P2RY8: variants seen among roughly 807,000 people sequenced by gnomAD.
P2RY8 encodes the protein P2Y receptor family member 8, also known as S-geranylgeranyl-glutathione receptor P2RY8.
Under a neutral mutation model 10.0 loss-of-function variants are expected in P2RY8, and 6 were observed. The observed-to-expected ratio is 0.60, with a 90% CI of 0.33 to 1.19. P2RY8 has a LOEUF of 1.19. Ranked by LOEUF, P2RY8 falls within the 50% of genes most tolerant of loss-of-function variation. P2RY8 has a pLI of 0.04. For synonymous variants in P2RY8, 276 were observed against 252.5 expected (o/e 1.09, Z -0.88); for missense variants, 456 against 542.0 (o/e 0.84, Z 1.58).
intron 1 of P2RY8, among the ~76,000 whole-genome samples, chrX:1,509,801 C>CATG (rs2092284012): frequency 1.3e-5 from 1 of 77,144 alleles, no homozygotes; most frequent in African/African-American, 4.0e-5. Context: ...TCCATCCTAT[C>CATG]TATCTATCTA....
Position 1,465,506 on chromosome X carries a change from G to C in P2RY8, c.1053C>G (p.Gly351=), listed in dbSNP as rs146188830. ...AGAACACACTCTCCTGCCTCTGGAG[G>C]CCGGGCCTGGTGGCTCCCTCCATCC... ...PEGMEGATRP[G]LQRQESVF The change falls in exon 2 of 2, where the codon GGC becomes GGG. Residue 351 remains glycine, a synonymous_variant. Coordinates refer to ENST00000381297, the MANE Select transcript of P2RY8 (RefSeq NM_178129.5). 1 of 1,609,304 alleles carries C rather than the reference G, an allele frequency of 6.2e-7. No homozygotes were observed. Among genetic ancestry groups the C allele is most frequent in the Admixed American group, 1.7e-5 (1 of 59,878 alleles).
chrX:1,475,976 G>A (rs1435804262), intron 1 of P2RY8, among the ~76,000 whole-genome samples: 1 of 152,148 alleles, frequency 6.6e-6, no homozygotes, highest in Non-Finnish European at 1.5e-5. Flanking sequence ...AAGGAAGCAA[G>A]GCTCAGAGCT....
intron 1 of P2RY8, among the ~76,000 whole-genome samples, chrX:1,488,781 A>G (rs1248133862): frequency 6.6e-5 from 10 of 150,690 alleles, no homozygotes; most frequent in African/African-American, 2.4e-4. Context: ...GACATTCCCA[A>G]TGACTGTGGA....
chrX:1,509,621 G>C, intron 1 of P2RY8, among the ~76,000 whole-genome samples: 1 of 131,716 alleles, frequency 7.6e-6, no homozygotes, highest in Admixed American at 7.6e-5. Context: ...TATCTATCAT[G>C]TATGTATCTA....
intron 1 of P2RY8, among the ~76,000 whole-genome samples, chrX:1,480,393 G>GTT (rs10552339): frequency 4.1e-4 from 61 of 148,164 alleles, no homozygotes; most frequent in Middle Eastern, 3.5e-3. Flanking sequence ...CGCTTCCCGG[G>GTT]TTTTTTTTTT....
chrX:1,524,009 A>T (rs1421477869), intron 1 of P2RY8, among the ~76,000 whole-genome samples: 6 of 152,182 alleles, frequency 3.9e-5, no homozygotes, highest in Admixed American at 2.6e-4. Flanking sequence ...GAATTTTGTT[A>T]TGTGAATTTC....
intron 1 of P2RY8, among the ~76,000 whole-genome samples, chrX:1,499,921 T>C (rs1157976628): frequency 2.7e-4 from 41 of 150,404 alleles, no homozygotes; most frequent in Non-Finnish European, 5.2e-4. Flanking sequence ...TGCAGTGGTG[T>C]GATCTCAGCT....
intron 1 of P2RY8, among the ~76,000 whole-genome samples, chrX:1,532,418 T>C (rs1905603854): frequency 6.8e-6 from 1 of 146,278 alleles, no homozygotes; most frequent in African/African-American, 2.5e-5. Context: ...GTATATGATG[T>C]GTATATATAC....
intron 1 of P2RY8, among the ~76,000 whole-genome samples, chrX:1,499,139 T>A (rs2092149454): frequency 6.8e-6 from 1 of 147,794 alleles, no homozygotes; most frequent in South Asian, 2.2e-4. Flanking sequence ...AACCCTCTGT[T>A]TTTTTTCTTT....
chrX:1,535,985 C>T (rs1190382324), intron 1 of P2RY8, among the ~76,000 whole-genome samples: 1 of 152,094 alleles, frequency 6.6e-6, no homozygotes, highest in Non-Finnish European at 1.5e-5. Context: ...GGTCTGGGGT[C>T]TCCCTGGCAC....
intron 1 of P2RY8, among the ~76,000 whole-genome samples, chrX:1,471,664 G>A (rs1305020219): frequency 6.6e-6 from 1 of 151,854 alleles, no homozygotes; most frequent in Non-Finnish European, 1.5e-5. Context: ...CCCAGCCCTG[G>A]GAACCCCTTT....
At chrX:1,527,233 C>T (rs73186959) in intron 1 of P2RY8, among the ~76,000 whole-genome samples, 14,798 of 152,104 alleles carry the variant, frequency 0.097, 802 homozygotes, top group African/African-American at 0.12. Flanking sequence ...ACCTATCCAT[C>T]TGTTCATCCG....
rs776758177 is a variant in P2RY8, at chrX:1,486,947, G to T, written c.-24-20365C>A. On this transcript the variant is annotated intron_variant, in intron 1 of 1. Coordinates refer to ENST00000381297, the MANE Select transcript of P2RY8 (RefSeq NM_178129.5). ...ACAGCCAGGCTGACCCTTTCTCCCCGGGACAGGGCAGCCCCAGGGCCGAGC... is the reference window on the plus strand; with the variant it reads ...ACAGCCAGGCTGACCCTTTCTCCCCTGGACAGGGCAGCCCCAGGGCCGAGC... Among the ~76,000 whole-genome samples, 313 of 152,314 alleles carry T rather than the reference G, an allele frequency of 2.1e-3. 2 individuals are homozygous for T. Among genetic ancestry groups the T allele is most frequent in the Non-Finnish European group, 4.0e-3 (269 of 68,026 alleles).
At chrX:1,490,805 C>T (rs2092038864) in intron 1 of P2RY8, among the ~76,000 whole-genome samples, 2 of 146,662 alleles carry the variant, frequency 1.4e-5, no homozygotes, top group African/African-American at 5.1e-5. Flanking sequence ...TGAATGATAC[C>T]CAGATATTCC....
At chrX:1,468,619 G>A (rs1246870890) in intron 1 of P2RY8, among the ~76,000 whole-genome samples, 7 of 151,948 alleles carry the variant, frequency 4.6e-5, no homozygotes, top group Admixed American at 2.6e-4. Context: ...TGTTCTTGGC[G>A]GTGTCTGGCC....
At chrX:1,526,264 C>A (rs1381870334) in intron 1 of P2RY8, among the ~76,000 whole-genome samples, 3 of 151,614 alleles carry the variant, frequency 2.0e-5, no homozygotes, top group African/African-American at 7.3e-5. Flanking sequence ...TTCACCCATT[C>A]TTTCATGCAT....
At chrX:1,508,549 C>A (rs1421714157) in intron 1 of P2RY8, among the ~76,000 whole-genome samples, 3 of 152,104 alleles carry the variant, frequency 2.0e-5, no homozygotes, top group Non-Finnish European at 4.4e-5. Context: ...ACCTATCTAG[C>A]CATCCATCTA....
intron 1 of P2RY8, among the ~76,000 whole-genome samples, chrX:1,523,288 C>T (rs1159772587): frequency 1.3e-5 from 2 of 151,874 alleles, no homozygotes; most frequent in African/African-American, 4.8e-5. Flanking sequence ...GGGATGTCAG[C>T]AGAGCTTTCT....
At chrX:1,488,091 C>T (rs1175792134) in intron 1 of P2RY8, among the ~76,000 whole-genome samples, 8 of 149,630 alleles carry the variant, frequency 5.3e-5, no homozygotes, top group African/African-American at 2.0e-4. Context: ...GCCTGGCCAA[C>T]AAGAGCAAAA....
Sources: gnomAD v4.1 joint callset for allele counts (sites outside exome capture counted in the v4.1 genomes callset) on GRCh38, gnomAD v4.1.1 for gene constraint, MANE v1.5 for transcripts, NCBI Gene and HGNC (gene_info 2026-07-23, HGNC 2026-07-21) for gene names.